The following ASZ1 variants were observed in gnomAD, a reference collection of about 807,000 sequenced individuals.
ASZ1 encodes ankyrin repeat, SAM and basic leucine zipper domain containing 1.
Under a neutral mutation model 61.8 loss-of-function variants are expected in ASZ1, and 67 were observed. That is an observed-to-expected ratio of 1.08 (90% CI 0.89 to 1.33). The LOEUF (loss-of-function observed/expected upper bound fraction) is 1.33, where lower values mean the gene tolerates loss of function less well. Among genes scored for constraint, ASZ1 ranks in the 40% most tolerant of loss-of-function variants. The pLI is 0.00. For missense variants in ASZ1, 577 were observed against 554.5 expected, an observed-to-expected ratio of 1.04 and a Z score of -0.41; for synonymous variants, 193 against 192.7, an observed-to-expected ratio of 1.00 and a Z score of -0.01.
chr7:117,385,386 AGT>A (rs1183071078), intron 5 of ASZ1, among the ~76,000 whole-genome samples: 1 of 151,822 alleles, frequency 6.6e-6, no homozygotes, highest in Non-Finnish European at 1.5e-5. Flanking sequence ...CAGCCTCCTG[AGT>A]AGCTGGGATT....
intron 4 of ASZ1, among the ~76,000 whole-genome samples, chr7:117,399,741 G>A (rs1024692659): frequency 2.6e-5 from 4 of 152,044 alleles, no homozygotes; most frequent in Non-Finnish European, 5.9e-5. Context: ...TGCATATTAA[G>A]TTTCTTTGGG....
At chr7:117,405,148 C>T (rs545042859) in intron 4 of ASZ1, among the ~76,000 whole-genome samples, 1 of 152,198 alleles carries the variant, frequency 6.6e-6, no homozygotes, top group African/African-American at 2.4e-5. Flanking sequence ...TTCCTCCTTC[C>T]CACTAGAGCT....
chr7:117,424,054 CT>C (rs1310849171), intron 2 of ASZ1, among the ~76,000 whole-genome samples: 9 of 151,962 alleles, frequency 5.9e-5, no homozygotes, highest in Non-Finnish European at 1.0e-4. Flanking sequence ...CAAAATAATA[CT>C]ATATTGTTTA....
chr7:117,392,227 C>G (rs1291986586), intron 4 of ASZ1, among the ~76,000 whole-genome samples: 1 of 152,200 alleles, frequency 6.6e-6, no homozygotes, highest in African/African-American at 2.4e-5. Context: ...TCCATCCAAT[C>G]TGTGATCACG....
chr7:117,411,512 A>G (rs576800594), intron 4 of ASZ1, among the ~76,000 whole-genome samples: 6 of 151,994 alleles, frequency 3.9e-5, no homozygotes, highest in African/African-American at 1.4e-4. Flanking sequence ...AACAAAATGG[A>G]TACTTTCACA....
intron 10 of ASZ1, among the ~76,000 whole-genome samples, chr7:117,375,867 A>G (rs1008369904): frequency 2.0e-5 from 3 of 152,128 alleles, no homozygotes; most frequent in Non-Finnish European, 4.4e-5. Flanking sequence ...AAATGTTTAC[A>G]TAAGAAAAAA....
intron 4 of ASZ1, among the ~76,000 whole-genome samples, chr7:117,416,373 C>A (rs1223828107): frequency 2.6e-5 from 4 of 152,124 alleles, no homozygotes; most frequent in Admixed American, 6.5e-5. Flanking sequence ...ATCTTGTTAA[C>A]AACTTTATGG....
At chr7:117,419,498 C>T (rs986277348) in intron 4 of ASZ1, among the ~76,000 whole-genome samples, 14 of 152,172 alleles carry the variant, frequency 9.2e-5, no homozygotes, top group African/African-American at 3.1e-4. Context: ...TTGTGCTAGA[C>T]ATTTTTGTTA....
chr7:117,421,218 G>T (rs1797093954), intron 3 of ASZ1, among the ~76,000 whole-genome samples: 1 of 151,996 alleles, frequency 6.6e-6, no homozygotes, highest in African/African-American at 2.4e-5. Flanking sequence ...CTTTCATTGA[G>T]TAATTTTTTT....
At chr7:117,425,259 CTT>C (rs71148368) in intron 2 of ASZ1, among the ~76,000 whole-genome samples, 2 of 93,866 alleles carry the variant, frequency 2.1e-5, no homozygotes, top group South Asian at 8.5e-4. Context: ...TGAGTAATTT[CTT>C]TTTTTTTTTT....
chr7:117,367,677 T>C (rs1449463749), intron 11 of ASZ1: 7 of 1,008,746 alleles, frequency 6.9e-6, no homozygotes, highest in Non-Finnish European at 8.6e-6. Flanking sequence ...TATATGTATA[T>C]ATAACTTTCT....
At chr7:117,426,361 G>A (rs1416944809) in intron 2 of ASZ1, among the ~76,000 whole-genome samples, 1 of 149,720 alleles carries the variant, frequency 6.7e-6, no homozygotes, top group African/African-American at 2.5e-5. Context: ...GTGGTGTCAC[G>A]CGCTTGTAGT....
chr7:117,396,372 T>C (rs1276797966), intron 4 of ASZ1, among the ~76,000 whole-genome samples: 1 of 152,252 alleles, frequency 6.6e-6, no homozygotes, highest in Non-Finnish European at 1.5e-5. Flanking sequence ...CTGACATTAA[T>C]GCAAATGCTG....
chr7:117,409,292 G>A (rs1002515822), intron 4 of ASZ1, among the ~76,000 whole-genome samples: 2 of 151,840 alleles, frequency 1.3e-5, no homozygotes, highest in African/African-American at 2.4e-5. Flanking sequence ...TATGCTAACA[G>A]CTCTAATAAG....
intron 4 of ASZ1, among the ~76,000 whole-genome samples, chr7:117,401,967 A>G (rs1796690043): frequency 6.6e-6 from 1 of 152,080 alleles, no homozygotes; most frequent in Admixed American, 6.6e-5. Flanking sequence ...AATGGCCCTC[A>G]TATTTTTATC....
chr7:117,400,343 C>T (rs968342040), intron 4 of ASZ1, among the ~76,000 whole-genome samples: 1 of 152,108 alleles, frequency 6.6e-6, no homozygotes, highest in Non-Finnish European at 1.5e-5. Context: ...TACAAATATG[C>T]CTGGAGACAC....
At chr7:117,422,978 T>C (rs537731410) in intron 2 of ASZ1, among the ~76,000 whole-genome samples, 1 of 152,234 alleles carries the variant, frequency 6.6e-6, no homozygotes, top group African/African-American at 2.4e-5. Flanking sequence ...AGGAAACTAG[T>C]TATAACACAG....
At chr7:117,402,164 G>C (rs1017214816) in intron 4 of ASZ1, among the ~76,000 whole-genome samples, 1 of 152,158 alleles carries the variant, frequency 6.6e-6, no homozygotes. Context: ...CTCAATCAAA[G>C]ACTGTCCTTC....
chr7:117,427,493 C>G lies in ASZ1; in HGVS notation c.-33G>C. The stretch of plus-strand genomic sequence containing the variant: ...AAGGAAGCTCCCTGTCGGCACCGCG[C>G]GCCCTTCAGCTCTCCGGGCGCATGC... On this transcript the variant is annotated 5_prime_UTR_variant, in exon 1 of 13. Transcript: ENST00000284629. 2 of 1,607,104 alleles carry G rather than the reference C, an allele frequency of 1.2e-6. No homozygotes were observed. The highest frequency in any genetic ancestry group is 2.2e-5 in the South Asian group (2 of 90,870).
Sources: allele counts gnomAD v4.1 joint callset (sites outside exome capture counted in the v4.1 genomes callset), GRCh38; gene constraint gnomAD v4.1.1; transcripts MANE v1.5; gene names NCBI Gene and HGNC (gene_info 2026-07-23, HGNC 2026-07-21).